The following CRB1 variants were observed in gnomAD, a reference collection of about 807,000 sequenced individuals.
The protein encoded by CRB1 is protein crumbs homolog 1.
In CRB1, 83 loss-of-function variants were observed where a neutral mutation model predicts 120.0. The ratio of observed to expected loss-of-function variants is 0.69; its 90% CI spans 0.58 to 0.83. CRB1 has a LOEUF of 0.83. CRB1 is among the 40% of genes least tolerant of loss of function. The pLI is 0.00. For missense variants in CRB1, 1,699 were observed against 1,687.6 expected (o/e 1.01, Z -0.12); for synonymous variants, 625 against 612.5 (o/e 1.02, Z -0.30).
chr1:197,414,963 G>GAA (rs1398681681), intron 5 of CRB1, among the ~76,000 whole-genome samples: 12 of 151,912 alleles, frequency 7.9e-5, no homozygotes, highest in Non-Finnish European at 1.5e-4. Flanking sequence ...GCTGTTCTTC[G>GAA]GACTATTGAT....
chr1:197,259,508 A>G, the CRB1 span, among the ~76,000 whole-genome samples: 14 of 152,124 alleles, frequency 9.2e-5, no homozygotes, highest in Non-Finnish European at 7.4e-5. Flanking sequence ...GAGGGAAACA[A>G]CATACACCAG....
chr1:197,436,929 C>G (rs1046748043), intron 9 of CRB1, among the ~76,000 whole-genome samples: 2 of 152,100 alleles, frequency 1.3e-5, no homozygotes, highest in Non-Finnish European at 2.9e-5. Context: ...CATTTTTCTA[C>G]AACTACAAAA....
chr1:197,286,671 A>G (rs1436431470), intron 1 of CRB1, among the ~76,000 whole-genome samples: 1 of 151,936 alleles, frequency 6.6e-6, no homozygotes, highest in Non-Finnish European at 1.5e-5. Flanking sequence ...AAACTTCAGT[A>G]CTATTGTAGG....
At chr1:197,390,030 A>T (rs1662415374) in intron 5 of CRB1, among the ~76,000 whole-genome samples, 1 of 152,036 alleles carries the variant, frequency 6.6e-6, no homozygotes, top group Non-Finnish European at 1.5e-5. Flanking sequence ...TTATGGTATT[A>T]TTAAAGGATT....
chr1:197,419,263 C>T (rs141442074), intron 5 of CRB1, among the ~76,000 whole-genome samples: 448 of 151,612 alleles, frequency 3.0e-3, no homozygotes, highest in Middle Eastern at 0.01. Context: ...CACATTTGGG[C>T]ATAGAGTTAA....
chr1:197,449,617 C>T (rs991574322), intron 11 of CRB1, among the ~76,000 whole-genome samples: 3 of 152,162 alleles, frequency 2.0e-5, no homozygotes, highest in Admixed American at 6.6e-5. Context: ...CCGCCCGCCT[C>T]GGCCTCCCAA....
intron 5 of CRB1, among the ~76,000 whole-genome samples, chr1:197,400,893 G>A (rs570494340): frequency 4.0e-5 from 6 of 151,832 alleles, no homozygotes; most frequent in Non-Finnish European, 7.4e-5. Flanking sequence ...AATTCTAATC[G>A]CACACCTAAA....
intron 5 of CRB1, among the ~76,000 whole-genome samples, chr1:197,398,173 C>T (rs1662867993): frequency 6.6e-6 from 1 of 152,160 alleles, no homozygotes. Flanking sequence ...TCAATAACTT[C>T]TCCTTTGAAA....
chr1:197,442,455 A>G, intron 11 of CRB1, 163 bp downstream of exon 11: 3 of 1,544,612 alleles, frequency 1.9e-6, no homozygotes, highest in Non-Finnish European at 2.6e-6. Flanking sequence ...AAAAAAAGCC[A>G]TTGAATTTCA....
At chr1:197,404,539 T>A (rs1663243634) in intron 5 of CRB1, among the ~76,000 whole-genome samples, 1 of 152,174 alleles carries the variant, frequency 6.6e-6, no homozygotes, top group Non-Finnish European at 1.5e-5. Context: ...ACTGGTTTTG[T>A]TTAATTCAGC....
chr1:197,337,340 T>C (rs917476594), intron 2 of CRB1, among the ~76,000 whole-genome samples: 48 of 152,256 alleles, frequency 3.2e-4, no homozygotes, highest in African/African-American at 1.1e-3. Flanking sequence ...CCAAAAAATA[T>C]ATAGTAATAT....
intron 1 of CRB1, among the ~76,000 whole-genome samples, chr1:197,305,848 A>G (rs952925838): frequency 4.6e-5 from 7 of 151,668 alleles, no homozygotes; most frequent in Non-Finnish European, 8.8e-5. Flanking sequence ...AGAAAGATCT[A>G]CATAATATAG....
rs1282600873 is a variant in CRB1, at chr1:197,421,526, G to C, written c.1698G>C (p.Glu566Asp). The change falls in exon 6 of 12, where the codon GAG (glutamate) becomes GAC (aspartate). Residue 566 changes from glutamate (E) to aspartate (D), a missense_variant. By Grantham distance (45) the Glu-to-Asp change is conservative (BLOSUM62 2). Transcript: ENST00000367400. ...TTTCCCACAACACCAGCGATGGAGA[G>C]TGGCATTTCGTGGAGGTAATATTTG... ...LFISHNTSDG[E>D]WHFVEVIFAE... 2 of 1,614,254 alleles carry C rather than the reference G, an allele frequency of 1.2e-6. No homozygotes were observed. Among genetic ancestry groups the C allele is most frequent in the East Asian group, 2.2e-5 (1 of 44,886 alleles).
the CRB1 span, among the ~76,000 whole-genome samples, chr1:197,239,105 T>G: frequency 2.6e-5 from 4 of 152,086 alleles, no homozygotes; most frequent in African/African-American, 9.7e-5. Flanking sequence ...TTAATTATTT[T>G]AAATTTATTA....
chr1:197,375,504 A>G (rs1371225276), intron 5 of CRB1, among the ~76,000 whole-genome samples: 1 of 152,136 alleles, frequency 6.6e-6, no homozygotes, highest in Non-Finnish European at 1.5e-5. Flanking sequence ...GTAGAATGGT[A>G]AGGATCTTGC....
At chr1:197,366,682 G>T (rs561481408) in intron 5 of CRB1, among the ~76,000 whole-genome samples, 3 of 152,168 alleles carry the variant, frequency 2.0e-5, no homozygotes, top group Non-Finnish European at 4.4e-5. Flanking sequence ...AGGAGGCAGA[G>T]AATCCTAGTG....
chr1:197,272,375 A>G (rs1237815542), intron 1 of CRB1, among the ~76,000 whole-genome samples: 1 of 152,154 alleles, frequency 6.6e-6, no homozygotes, highest in East Asian at 1.9e-4. Flanking sequence ...AGGGTTTCCT[A>G]CATTACATAG....
chr1:197,388,550 G>C (rs1478432367), intron 5 of CRB1, among the ~76,000 whole-genome samples: 7 of 151,962 alleles, frequency 4.6e-5, no homozygotes, highest in Non-Finnish European at 1.0e-4. Context: ...ATTCCCATTA[G>C]TGAGGAAATC....
chr1:197,429,015 C>T, intron 7 of CRB1: 1 of 1,514,582 alleles, frequency 6.6e-7, no homozygotes, highest in Non-Finnish European at 8.9e-7. Context: ...AGTTGGGATC[C>T]AGAGGACCTA....
Sources: allele counts gnomAD v4.1 joint callset (sites outside exome capture counted in the v4.1 genomes callset), GRCh38; gene constraint gnomAD v4.1.1; transcripts MANE v1.5; gene names NCBI Gene and HGNC (gene_info 2026-07-23, HGNC 2026-07-21).